CCDC91: variants seen among roughly 807,000 people sequenced by gnomAD.
The protein encoded by CCDC91 is coiled-coil domain containing 91.
CCDC91 carries 48 observed loss-of-function variants against 63.2 expected under a neutral mutation model. The observed-to-expected ratio is 0.76, with a 90% CI of 0.60 to 0.97. The LOEUF is 0.97. Ranked by LOEUF, CCDC91 falls within the 50% of genes least tolerant of loss-of-function variation. CCDC91 has a pLI of 0.00. For missense variants in CCDC91, 500 were observed against 494.6 expected (o/e 1.01, Z -0.10); for synonymous variants, 167 against 165.8 (o/e 1.01, Z -0.06).
At chr12:28,252,246 G>GT (rs1251436638) in intron 1 of CCDC91, among the ~76,000 whole-genome samples, 2 of 151,628 alleles carry the variant, frequency 1.3e-5, no homozygotes, top group Admixed American at 6.6e-5. Context: ...CTTGCTGTGG[G>GT]TTTTTTTTCT....
At chr12:28,440,825 G>A (rs577467097) in intron 8 of CCDC91, among the ~76,000 whole-genome samples, 62 of 150,284 alleles carry the variant, frequency 4.1e-4, no homozygotes, top group African/African-American at 1.4e-3. Context: ...TTGGGAGGCC[G>A]AGGTGGGCGG....
In CCDC91 at chr12:28,249,194, T is replaced by G. The variant is rs573563025; in HGVS notation, c.-14-8008T>G. ...GAGAGAAATAACTTTAAAGAAATACTGGGTGTGTTGGGCAGCACTGTGAAT... is the reference window on the plus strand; with the variant it reads ...GAGAGAAATAACTTTAAAGAAATACGGGGTGTGTTGGGCAGCACTGTGAAT... On this transcript the variant is annotated intron_variant, in intron 1 of 12. Transcript: ENST00000536442. Among the ~76,000 whole-genome samples the G allele has an allele frequency of 1.4e-4, 22 of 152,306 alleles. No individual in the cohort carries two copies. In the South Asian group the frequency reaches 2.9e-3, roughly 20 times the overall value.
chr12:28,526,011 C>T (rs993770135), intron 12 of CCDC91, among the ~76,000 whole-genome samples: 1 of 152,044 alleles, frequency 6.6e-6, no homozygotes, highest in Non-Finnish European at 1.5e-5. Context: ...GTCTCGAAGG[C>T]AGCAGATATT....
chr12:28,431,372 C>A (rs1403518832), intron 8 of CCDC91, among the ~76,000 whole-genome samples: 1 of 152,066 alleles, frequency 6.6e-6, no homozygotes, highest in Non-Finnish European at 1.5e-5. Flanking sequence ...CCTTCTGTTT[C>A]TCTTACTGCT....
chr12:28,508,724 A>G (rs1407116196), intron 12 of CCDC91, among the ~76,000 whole-genome samples: 1 of 151,880 alleles, frequency 6.6e-6, no homozygotes, highest in Admixed American at 6.6e-5. Context: ...CCCCTCCAAG[A>G]GTCAGTACCT....
intron 12 of CCDC91, among the ~76,000 whole-genome samples, chr12:28,535,853 C>A (rs1014651863): frequency 6.6e-6 from 1 of 151,802 alleles, no homozygotes; most frequent in African/African-American, 2.4e-5. Flanking sequence ...ACGGTGAAAC[C>A]CCGTCTCTAC....
At chr12:28,320,099 A>G (rs1224027359) in intron 6 of CCDC91, among the ~76,000 whole-genome samples, 2 of 152,000 alleles carry the variant, frequency 1.3e-5, no homozygotes, top group African/African-American at 4.8e-5. Context: ...CTATGCTATT[A>G]TAATTATGAT....
chr12:28,501,405 T>TGG (rs1937841119), intron 12 of CCDC91, among the ~76,000 whole-genome samples: 1 of 151,964 alleles, frequency 6.6e-6, no homozygotes, highest in East Asian at 1.9e-4. Flanking sequence ...TATTGAGAGT[T>TGG]TTTAGCATGA....
At chr12:28,493,621 C>A (rs986681805) in intron 12 of CCDC91, among the ~76,000 whole-genome samples, 7 of 151,696 alleles carry the variant, frequency 4.6e-5, no homozygotes, top group African/African-American at 1.5e-4. Flanking sequence ...TAAACATACA[C>A]TACCTGGCTG....
chr12:28,430,218 A>G (rs1315354602), intron 8 of CCDC91, among the ~76,000 whole-genome samples: 5 of 152,104 alleles, frequency 3.3e-5, no homozygotes, highest in Admixed American at 2.0e-4. Context: ...GCATCCCCCA[A>G]AAATCAAAAT....
chr12:28,266,603 T>A (rs1947201955), intron 3 of CCDC91, among the ~76,000 whole-genome samples: 1 of 152,002 alleles, frequency 6.6e-6, no homozygotes, highest in Admixed American at 6.6e-5. Context: ...TTTCGGTATC[T>A]TTTAACAATC....
intron 1 of CCDC91, among the ~76,000 whole-genome samples, chr12:28,203,643 A>T (rs7957382): frequency 2.6e-5 from 4 of 152,088 alleles, no homozygotes; most frequent in Non-Finnish European, 5.9e-5. Context: ...TCTGCAGTAT[A>T]GTTAGGAATT....
At chr12:28,405,654 C>T (rs1946890131) in intron 8 of CCDC91, among the ~76,000 whole-genome samples, 1 of 152,096 alleles carries the variant, frequency 6.6e-6, no homozygotes, top group African/African-American at 2.4e-5. Flanking sequence ...CTGAATAATT[C>T]TCTTCAAAGC....
chr12:28,509,597 T>C (rs11049683), intron 12 of CCDC91, among the ~76,000 whole-genome samples: 31,709 of 151,906 alleles, frequency 0.21, 4,333 homozygotes, highest in Non-Finnish European at 0.31. Context: ...AAGTTATCTT[T>C]AAAAATAATT....
chr12:28,383,031 C>G (rs1030226469), intron 7 of CCDC91, among the ~76,000 whole-genome samples: 1 of 152,034 alleles, frequency 6.6e-6, no homozygotes, highest in Non-Finnish European at 1.5e-5. Context: ...ATTTTAGAAA[C>G]TTCTTAATTT....
At chr12:28,435,890 T>C (rs1383114643) in intron 8 of CCDC91, among the ~76,000 whole-genome samples, 1 of 151,844 alleles carries the variant, frequency 6.6e-6, no homozygotes, top group Non-Finnish European at 1.5e-5. Flanking sequence ...TATTTTGTTC[T>C]GAGGTTTCCT....
intron 12 of CCDC91, among the ~76,000 whole-genome samples, chr12:28,496,759 C>G (rs1040225021): frequency 2.0e-5 from 3 of 150,998 alleles, no homozygotes; most frequent in African/African-American, 7.3e-5. Context: ...CTGAGATTTT[C>G]TACAGTTAAT....
At chr12:28,251,962 T>C (rs971985568) in intron 1 of CCDC91, among the ~76,000 whole-genome samples, 13 of 152,284 alleles carry the variant, frequency 8.5e-5, no homozygotes, top group African/African-American at 3.1e-4. Flanking sequence ...ACTCCATAGC[T>C]TTTAAAGAAA....
At chr12:28,301,975 C>T (rs909191133) in intron 3 of CCDC91, among the ~76,000 whole-genome samples, 1 of 151,596 alleles carries the variant, frequency 6.6e-6, no homozygotes, top group Non-Finnish European at 1.5e-5. Flanking sequence ...ATTTGAAATT[C>T]AGGATTTTGA....
Sources: gnomAD v4.1 joint callset for allele counts (sites outside exome capture counted in the v4.1 genomes callset) on GRCh38, gnomAD v4.1.1 for gene constraint, MANE v1.5 for transcripts, NCBI Gene and HGNC (gene_info 2026-07-23, HGNC 2026-07-21) for gene names.